Variants in DMXL2 observed in about 807,000 individuals in gnomAD.
DMXL2 encodes the protein Dmx like 2.
A neutral mutation model predicts 331.1 loss-of-function variants in DMXL2; 103 were observed. The ratio of observed to expected loss-of-function variants is 0.31; its 90% confidence interval spans 0.27 to 0.37. DMXL2 has a LOEUF of 0.37. DMXL2 is among the 10% of genes least tolerant of loss of function. The pLI, the probability that DMXL2 is intolerant of heterozygous loss-of-function variation, is 1.00. For synonymous variants in DMXL2, 1,281 were observed against 1,252.1 expected (o/e 1.02, Z -0.49); for missense variants, 3,171 against 3,642.9 (o/e 0.87, Z 3.33).
In DMXL2 at chr15:51,456,366, T is replaced by G. The variant is rs753979216; in HGVS notation, c.8341A>C (p.Met2781Leu). 3.2e-6 allele frequency: 5 copies of G among 1,579,042 alleles called. No homozygotes were observed. In the South Asian group the frequency reaches 5.9e-5, roughly 18 times the overall value. ...GQTSTGASVL[M>L]KRNLHNVKRM... The stretch of plus-strand genomic sequence containing the variant: ...TTAACATTATGTAGATTCCTTTTCA[T>G]AAGCTTTAAAAGAAAATTTTAAAAA... Residue 2781 changes from methionine (M) to leucine (L), a missense_variant, in exon 38 of 44, where the codon ATG becomes CTG. By Grantham distance (15) the Met-to-Leu change is conservative (BLOSUM62 2). This residue lies in a region of DMXL2 where 766 missense variants were observed against 940.5 expected (regional missense o/e 0.81). Transcript: ENST00000560891.
At chr15:51,530,212 T>C (rs1231915344) in intron 13 of DMXL2, among the ~76,000 whole-genome samples, 1 of 152,106 alleles carries the variant, frequency 6.6e-6, no homozygotes, top group Admixed American at 6.6e-5. Context: ...TTCAACGTAG[T>C]ACGGAAAGTG....
intron 20 of DMXL2, 38 bp from the exon 21 acceptor site, chr15:51,488,683 A>G: frequency 1.3e-6 from 2 of 1,516,904 alleles, no homozygotes; most frequent in African/African-American, 1.4e-5. Flanking sequence ...ACAATTTGAC[A>G]TAAGAATTAC....
chr15:51,528,958 T>G (rs188117542), intron 13 of DMXL2, among the ~76,000 whole-genome samples: 1 of 152,152 alleles, frequency 6.6e-6, no homozygotes, highest in Non-Finnish European at 1.5e-5. Context: ...ACAAGGAATT[T>G]TGGAAACTAT....
chr15:51,613,882 C>T lies in DMXL2; in HGVS notation c.87+8577G>A, dbSNP rs1595762376. Among the ~76,000 whole-genome samples the T allele has an allele frequency of 2.0e-5, 3 of 152,298 alleles. No homozygotes were observed. In the South Asian group the frequency reaches 6.2e-4, roughly 32 times the overall value. On this transcript the variant is annotated intron_variant, in intron 1 of 43. Coordinates refer to ENST00000560891, the MANE Select transcript of DMXL2 (RefSeq NM_001378457.1). ...TCCTTTGGTTGAGCTGAGATTACCA[C>T]CAAGTAGGGTGGCCACCTCAATCAT... is the stretch of plus-strand genomic sequence containing the variant.
intron 6 of DMXL2, among the ~76,000 whole-genome samples, chr15:51,553,774 G>A (rs2049370370): frequency 7.4e-6 from 1 of 134,666 alleles, no homozygotes; most frequent in Non-Finnish European, 1.6e-5. Flanking sequence ...CATATTGGAT[G>A]CCACATGCAG....
At chr15:51,513,172 G>A (rs987096699) in intron 15 of DMXL2, among the ~76,000 whole-genome samples, 23 of 151,914 alleles carry the variant, frequency 1.5e-4, no homozygotes, top group African/African-American at 4.6e-4. Flanking sequence ...TATCAAAAGC[G>A]AGAAATAAAG....
intron 1 of DMXL2, among the ~76,000 whole-genome samples, chr15:51,598,140 C>T (rs1182584261): frequency 6.6e-6 from 1 of 152,094 alleles, no homozygotes; most frequent in South Asian, 2.1e-4. Flanking sequence ...CATTAATCTC[C>T]TTTTATGATA....
intron 19 of DMXL2, 25 bp from the exon 20 acceptor site, chr15:51,491,772 AT>A (rs1354849026): frequency 1.3e-6 from 2 of 1,576,096 alleles, no homozygotes; most frequent in African/African-American, 2.8e-5. Context: ...TAAAATAATA[AT>A]CTGCGTAACT....
chr15:51,500,283 A>G, intron 17 of DMXL2, 52 bp from the exon 18 acceptor site: 1 of 1,483,272 alleles, frequency 6.7e-7, no homozygotes, highest in Non-Finnish European at 9.0e-7. Flanking sequence ...AAGCCACAAA[A>G]TAATATGGTA....
chr15:51,592,875 G>C (rs2052496041), intron 1 of DMXL2, among the ~76,000 whole-genome samples: 1 of 152,170 alleles, frequency 6.6e-6, no homozygotes, highest in African/African-American at 2.4e-5. Context: ...GAGAGATTTT[G>C]TCACTGCCAG....
At chr15:51,612,719 G>A (rs544050576) in intron 1 of DMXL2, among the ~76,000 whole-genome samples, 66 of 152,232 alleles carry the variant, frequency 4.3e-4, no homozygotes, top group Non-Finnish European at 7.4e-4. Context: ...ATGAAGTTTC[G>A]GGCATGCATT....
intron 13 of DMXL2, among the ~76,000 whole-genome samples, chr15:51,518,941 C>T (rs1378765573): frequency 6.6e-6 from 1 of 151,896 alleles, no homozygotes; most frequent in Non-Finnish European, 1.5e-5. Context: ...GCCCAGGGTG[C>T]AAAATTTAAA....
chr15:51,480,415 T>C, intron 24 of DMXL2, 127 bp downstream of exon 24: 2 of 1,207,580 alleles, frequency 1.7e-6, no homozygotes, highest in Non-Finnish European at 2.2e-6. Flanking sequence ...CTGCCTCCTA[T>C]AAAGAGAGGA....
At chr15:51,586,279 A>T (rs2051816599) in intron 1 of DMXL2, among the ~76,000 whole-genome samples, 1 of 152,222 alleles carries the variant, frequency 6.6e-6, no homozygotes, top group Non-Finnish European at 1.5e-5. Context: ...ATATCAGAAA[A>T]TGCAAAATTA....
At chr15:51,490,811 A>C (rs1023506716) in intron 20 of DMXL2, among the ~76,000 whole-genome samples, 1 of 152,096 alleles carries the variant, frequency 6.6e-6, no homozygotes, top group Admixed American at 6.5e-5. Flanking sequence ...GCTGCCACAG[A>C]TATGTTCTTC....
chr15:51,477,926 A>T (rs1038099951), intron 26 of DMXL2, among the ~76,000 whole-genome samples: 3 of 152,242 alleles, frequency 2.0e-5, no homozygotes, highest in African/African-American at 7.2e-5. Flanking sequence ...TTAGTTAAAT[A>T]GCTGCTAATC....
At chr15:51,535,559 T>C (rs1329996672) in intron 13 of DMXL2, 104 bp downstream of exon 13, 3 of 1,067,106 alleles carry the variant, frequency 2.8e-6, no homozygotes, top group Non-Finnish European at 2.7e-6. Context: ...CCAGAACATA[T>C]ACTTACTCCC....
At chr15:51,467,035 A>G (rs566107841) in intron 29 of DMXL2, among the ~76,000 whole-genome samples, 1 of 152,188 alleles carries the variant, frequency 6.6e-6, no homozygotes, top group East Asian at 1.9e-4. Context: ...TGGGAGAAAA[A>G]GAAAGATTAT....
Position 51,622,653 on chromosome 15 carries a change from G to A in DMXL2, c.-108C>T. On this transcript the variant is annotated 5_prime_UTR_variant, in exon 1 of 44. Transcript: ENST00000560891. Reference sequence around the variant, plus strand: ...CCCTCTGTGCCTCCCTCGGAAACCCGCCCCGCGGAGGCTCTGGCTTAACTC... The same window carrying A: ...CCCTCTGTGCCTCCCTCGGAAACCCACCCCGCGGAGGCTCTGGCTTAACTC... 3 of 1,448,876 alleles carry A rather than the reference G, an allele frequency of 2.1e-6. No homozygotes were observed. The East Asian group carries it at 8.2e-5, about 39-fold the overall frequency. 89.8% of individuals were successfully genotyped at this position (1,448,876 alleles called of 1,614,324 possible). A position where few individuals can be genotyped will look rare whatever the true frequency, so the allele number is the denominator to read the frequency against.
Sources: allele counts gnomAD v4.1 joint callset (sites outside exome capture counted in the v4.1 genomes callset), GRCh38; gene constraint gnomAD v4.1.1; regional missense constraint gnomAD v4.1.1; transcripts MANE v1.5; gene names NCBI Gene and HGNC (gene_info 2026-07-23, HGNC 2026-07-21).